ASIC2: variants seen among roughly 807,000 people sequenced by gnomAD.
ASIC2 encodes acid-sensing ion channel 2.
ASIC2 carries 25 observed loss-of-function variants against 57.3 expected under a neutral mutation model. That is an observed-to-expected ratio of 0.44 (90% CI 0.32 to 0.61). The LOEUF (loss-of-function observed/expected upper bound fraction) is 0.61. ASIC2 is among the 20% of genes least tolerant of loss of function. The pLI, the probability that ASIC2 is intolerant of heterozygous loss-of-function variation, is 0.06. For missense variants in ASIC2, 641 were observed against 738.1 expected, an observed-to-expected ratio of 0.87 and a Z score of 1.52; for synonymous variants, 319 against 307.5, an observed-to-expected ratio of 1.04 and a Z score of -0.39.
intron 1 of ASIC2, among the ~76,000 whole-genome samples, chr17:33,344,022 C>T (rs1161545217): frequency 6.6e-6 from 1 of 152,204 alleles, no homozygotes; most frequent in African/African-American, 2.4e-5. Flanking sequence ...TTGCGTGTTC[C>T]AGCAACTGTC....
At chr17:33,787,275 G>A (rs543029235) in intron 1 of ASIC2, among the ~76,000 whole-genome samples, 64 of 152,338 alleles carry the variant, frequency 4.2e-4, no homozygotes, top group African/African-American at 1.5e-3. Flanking sequence ...CCTTTTTGGA[G>A]GCAGTCTTTG....
chr17:33,254,898 G>T (rs1909006912), intron 1 of ASIC2, among the ~76,000 whole-genome samples: 1 of 151,810 alleles, frequency 6.6e-6, no homozygotes, highest in African/African-American at 2.4e-5. Flanking sequence ...ACACCAGCAT[G>T]CTAATAGTGG....
Position 34,022,843 on chromosome 17 carries a change from T to A in ASIC2, c.555+133135A>T, listed in dbSNP as rs184348756. ...TTGAATTTGCGTCCAGGTCCAAATC[T>A]CATGTCAAATTGTAATCCCCAGTGT... is the stretch of plus-strand genomic sequence containing the variant. On this transcript the variant is annotated intron_variant, in intron 1 of 9. Transcript: ENST00000359872. Among the ~76,000 whole-genome samples the A allele has an allele frequency of 2.6e-5, 4 of 152,346 alleles. No individual in the cohort carries two copies. In the East Asian group the frequency reaches 7.7e-4, roughly 29 times the overall value.
At chr17:34,118,068 A>T (rs1567828399) in intron 1 of ASIC2, among the ~76,000 whole-genome samples, 1 of 152,090 alleles carries the variant, frequency 6.6e-6, no homozygotes, top group Non-Finnish European at 1.5e-5. Context: ...GCTCATTTTC[A>T]TGTGTCATGG....
At chr17:33,258,012 G>A (rs557381233) in intron 1 of ASIC2, among the ~76,000 whole-genome samples, 25 of 152,172 alleles carry the variant, frequency 1.6e-4, no homozygotes, top group Middle Eastern at 3.2e-3. Context: ...TGCCTGGCAC[G>A]TTGTAAGTGC....
chr17:34,048,064 G>A (rs1416843258), intron 1 of ASIC2, among the ~76,000 whole-genome samples: 4 of 152,148 alleles, frequency 2.6e-5, no homozygotes, highest in East Asian at 1.9e-4. Flanking sequence ...AACACTCTTG[G>A]AGAGATTTTT....
rs116937914 is a variant in ASIC2, at chr17:33,576,533, T to C, written c.556-464466A>G. ...AGATAGTACAAGTTCTAGAGCCAGA[T>C]TGCCTCTCTGTGTTACTTCAAGTGA... On this transcript the variant is annotated intron_variant, in intron 1 of 9. Transcript: ENST00000359872. Among the ~76,000 whole-genome samples, 104 of 152,262 alleles carry C rather than the reference T, an allele frequency of 6.8e-4. 2 individuals carry two copies. The East Asian group carries it at 0.017, about 24-fold the overall frequency.
intron 1 of ASIC2, among the ~76,000 whole-genome samples, chr17:33,911,120 CA>C (rs1278822041): frequency 3.3e-5 from 5 of 152,196 alleles, no homozygotes; most frequent in Non-Finnish European, 7.3e-5. Context: ...TGAGTCTTCA[CA>C]CTGCAAAAAG....
At chr17:34,092,391 T>C (rs539285154) in intron 1 of ASIC2, among the ~76,000 whole-genome samples, 6 of 152,244 alleles carry the variant, frequency 3.9e-5, no homozygotes, top group African/African-American at 1.2e-4. Context: ...AGAAAGAAAG[T>C]TGGTAGAGTT....
intron 1 of ASIC2, among the ~76,000 whole-genome samples, chr17:33,361,709 A>G (rs372581715): frequency 1.4e-4 from 22 of 152,334 alleles, no homozygotes; most frequent in Admixed American, 5.2e-4. Flanking sequence ...GATGATGGGT[A>G]GCAGAATTTA....
chr17:34,011,033 G>GCCTC (rs1555580929), intron 1 of ASIC2, among the ~76,000 whole-genome samples: 8 of 2,838 alleles, frequency 2.8e-3, no homozygotes, highest in East Asian at 8.5e-3. Context: ...TCAGACACAT[G>GCCTC]CACACACACA....
At chr17:33,574,683 T>A (rs1299752275) in intron 1 of ASIC2, among the ~76,000 whole-genome samples, 1 of 152,248 alleles carries the variant, frequency 6.6e-6, no homozygotes, top group Non-Finnish European at 1.5e-5. Context: ...TTTTCATAGA[T>A]GTTAATCTAT....
chr17:33,933,268 A>G (rs1181853556), intron 1 of ASIC2, among the ~76,000 whole-genome samples: 1 of 152,176 alleles, frequency 6.6e-6, no homozygotes, highest in African/African-American at 2.4e-5. Flanking sequence ...GTCAGAACCA[A>G]TCACTATCCC....
chr17:33,490,660 C>A lies in ASIC2; in HGVS notation c.556-378593G>T, dbSNP rs141662359. On this transcript the variant is annotated intron_variant, in intron 1 of 9. Transcript: ENST00000359872. ...CTTTGCTTCTCTTTTGCCTTCCGCC[C>A]TGATTGCGAGGCCTCCCCAGCCACG... Among the ~76,000 whole-genome samples, 809 of 152,340 alleles carry A rather than the reference C, an allele frequency of 5.3e-3. 10 individuals carry two copies. The highest frequency in any genetic ancestry group is 0.019 in the African/African-American group (775 of 41,574).
intron 1 of ASIC2, among the ~76,000 whole-genome samples, chr17:33,524,684 T>A (rs1188318775): frequency 6.6e-6 from 1 of 151,842 alleles, no homozygotes; most frequent in Non-Finnish European, 1.5e-5. Context: ...GAGAATGAGG[T>A]CCCCAGTTTG....
At chr17:33,683,553 T>G (rs1368520509) in intron 1 of ASIC2, among the ~76,000 whole-genome samples, 1 of 151,972 alleles carries the variant, frequency 6.6e-6, no homozygotes, top group Non-Finnish European at 1.5e-5. Flanking sequence ...TTTTTAAAAA[T>G]CTTGTAGAGA....
At chr17:33,432,649 A>G (rs1911460282) in intron 1 of ASIC2, among the ~76,000 whole-genome samples, 1 of 152,214 alleles carries the variant, frequency 6.6e-6, no homozygotes, top group East Asian at 1.9e-4. Flanking sequence ...TACAAACCGT[A>G]TTCATCAACT....
intron 1 of ASIC2, among the ~76,000 whole-genome samples, chr17:33,373,267 C>A (rs1390617623): frequency 1.3e-5 from 2 of 152,168 alleles, no homozygotes; most frequent in African/African-American, 4.8e-5. Context: ...GTTCTGAAAC[C>A]ACCTTTGCAA....
intron 1 of ASIC2, among the ~76,000 whole-genome samples, chr17:33,947,030 G>A (rs759464215): frequency 6.6e-6 from 1 of 152,146 alleles, no homozygotes; most frequent in African/African-American, 2.4e-5. Context: ...CTGAGTAATA[G>A]AGGAGAACCA....
Sources: gnomAD v4.1 joint callset for allele counts (sites outside exome capture counted in the v4.1 genomes callset) on GRCh38, gnomAD v4.1.1 for gene constraint, MANE v1.5 for transcripts, NCBI Gene and HGNC (gene_info 2026-07-23, HGNC 2026-07-21) for gene names.